UPF1: variants seen among roughly 807,000 people sequenced by gnomAD.
UPF1 encodes the protein regulator of nonsense transcripts 1.
A neutral mutation model predicts 129.2 loss-of-function variants in UPF1; 9 were observed. The observed-to-expected ratio is 0.07, with a 90% CI of 0.04 to 0.12. The LOEUF is 0.12. Among genes scored for constraint, UPF1 ranks in the 10% least tolerant of loss-of-function variants. The pLI is 1.00. For synonymous variants in UPF1, 649 were observed against 644.9 expected (o/e 1.01, Z -0.10); for missense variants, 788 against 1,525.3 (o/e 0.52, Z 8.05).
intron 1 of UPF1, among the ~76,000 whole-genome samples, chr19:18,840,409 G>A (rs2055529203): frequency 6.6e-6 from 1 of 152,198 alleles, no homozygotes; most frequent in Non-Finnish European, 1.5e-5. Context: ...CTCCGCTGGG[G>A]AGGCACCGTC....
At chr19:18,836,906 A>G (rs937020771) in intron 1 of UPF1, among the ~76,000 whole-genome samples, 2 of 151,872 alleles carry the variant, frequency 1.3e-5, no homozygotes, top group Admixed American at 1.3e-4. Flanking sequence ...GGTGTGTGCT[A>G]CCATGCCCGG....
intron 3 of UPF1, chr19:18,849,838 T>C (rs1051230254): frequency 5.5e-6 from 3 of 547,928 alleles, no homozygotes; most frequent in Non-Finnish European, 9.7e-6. Context: ...GCAGGAACTA[T>C]GTGAACCGTG....
chr19:18,855,880 G>T, intron 11 of UPF1, 45 bp from the exon 12 acceptor site: 1 of 1,600,714 alleles, frequency 6.2e-7, no homozygotes, highest in South Asian at 1.1e-5. Flanking sequence ...TACGTTCACC[G>T]AGCTTCCTCT....
chr19:18,845,539 GCCAGTGA>G (rs1601103446), intron 1 of UPF1, among the ~76,000 whole-genome samples: 4 of 152,308 alleles, frequency 2.6e-5, no homozygotes, highest in African/African-American at 9.6e-5. Context: ...AGTGGATGTG[GCCAGTGA>G]CATTTCCACA....
Position 18,864,215 on chromosome 19 carries a change from A to G in UPF1, c.2821A>G (p.Ile941Val). The G allele has an allele frequency of 6.2e-7, 1 of 1,613,838 alleles. No individual in the cohort carries two copies. Among genetic ancestry groups the G allele is most frequent in the Non-Finnish European group, 8.5e-7 (1 of 1,179,838 alleles). ...TTAMYDAREA[I>V]IPGSVYDRSS... The stretch of plus-strand genomic sequence containing the variant: ...AGCCATGTATGATGCCCGGGAGGCC[A>G]TCATCCCAGGCTCCGTCTATGATCG... Residue 941 changes from isoleucine (I) to valine (V), a missense_variant, in exon 20 of 24, where the codon ATC becomes GTC. This residue lies in a region of UPF1 where 218 missense variants were observed against 318.1 expected (regional missense o/e 0.69). Coordinates refer to ENST00000262803, the MANE Select transcript of UPF1 (RefSeq NM_002911.4).
At chr19:18,838,530 C>G (rs1038691107) in intron 1 of UPF1, among the ~76,000 whole-genome samples, 1 of 152,142 alleles carries the variant, frequency 6.6e-6, no homozygotes, top group African/African-American at 2.4e-5. Flanking sequence ...TGCCTGTAAT[C>G]CCAGTTACTT....
At chr19:18,833,619 C>G (rs980942646) in intron 1 of UPF1, among the ~76,000 whole-genome samples, 22 of 151,716 alleles carry the variant, frequency 1.5e-4, no homozygotes, top group Non-Finnish European at 1.5e-4. Flanking sequence ...TCATCACCCT[C>G]TGGATTTCAG....
chr19:18,839,542 T>C (rs1413904550), intron 1 of UPF1, among the ~76,000 whole-genome samples: 3 of 152,180 alleles, frequency 2.0e-5, no homozygotes, highest in African/African-American at 7.2e-5. Flanking sequence ...ATGCCCAAGG[T>C]CACCCGTTAG....
intron 15 of UPF1, among the ~76,000 whole-genome samples, chr19:18,858,507 A>G (rs1205679941): frequency 1.3e-5 from 2 of 152,122 alleles, no homozygotes; most frequent in African/African-American, 4.8e-5. Context: ...ATGGAGTGGC[A>G]AAGAGTTGTC....
Position 18,853,420 on chromosome 19 carries a change from CTG to C in UPF1, c.1156+73_1156+74del, listed in dbSNP as rs2055681543. 6.9e-7 allele frequency: 1 copy of C among 1,443,130 alleles called. No homozygotes were observed. Among genetic ancestry groups the C allele is most frequent in the Non-Finnish European group, 9.3e-7 (1 of 1,069,612 alleles). 89.4% of individuals were successfully genotyped at this position (1,443,130 alleles called of 1,614,324 possible). ...AAGTGGGGGCATCAGGTGGAGGCCA[CTG>C]TGGATTTGATGCTCACTGCTGGGCC... On this transcript the variant is annotated intron_variant, in intron 8 of 23. Coordinates refer to ENST00000262803, the MANE Select transcript of UPF1 (RefSeq NM_002911.4). The surrounding 1 kb of genome is among the most constrained non-coding windows in gnomAD (Gnocchi z 4.4).
chr19:18,837,426 G>A (rs1434007801), intron 1 of UPF1, among the ~76,000 whole-genome samples: 1 of 152,200 alleles, frequency 6.6e-6, no homozygotes, highest in Non-Finnish European at 1.5e-5. Context: ...ACACCTACCT[G>A]TGACCTAGCA....
At chr19:18,843,701 GCC>G (rs2055566706) in intron 1 of UPF1, among the ~76,000 whole-genome samples, 1 of 147,886 alleles carries the variant, frequency 6.8e-6, no homozygotes, top group Non-Finnish European at 1.5e-5. Context: ...ATGGGGTTTT[GCC>G]ATGTTGGCCA....
rs1186598931 is a variant in UPF1 at position 18,853,773 on chromosome 19, G to A, written c.1156+423G>A. 6.6e-6 allele frequency among the ~76,000 whole-genome samples: 1 copy of A among 152,242 alleles called. No homozygotes were observed. Among genetic ancestry groups the A allele is most frequent in the East Asian group, 1.9e-4 (1 of 5,204 alleles). Reference sequence around the variant, plus strand: ...CCCTCTGAGCACACACTTGCTCCCAGGCCATGTTTGGGAATGTGCAGTGAC... The same window carrying A: ...CCCTCTGAGCACACACTTGCTCCCAAGCCATGTTTGGGAATGTGCAGTGAC... On this transcript the variant is annotated intron_variant, in intron 8 of 23. Transcript: ENST00000262803. The surrounding 1 kb of genome is among the most constrained non-coding windows in gnomAD (Gnocchi z 4.4).
chr19:18,843,472 T>C (rs554955240), intron 1 of UPF1, among the ~76,000 whole-genome samples: 2 of 152,042 alleles, frequency 1.3e-5, no homozygotes, highest in South Asian at 4.2e-4. Flanking sequence ...TTTTGAGTTT[T>C]TGAATTTCTG....
intron 15 of UPF1, among the ~76,000 whole-genome samples, chr19:18,858,478 G>A (rs754117819): frequency 6.6e-6 from 1 of 152,128 alleles, no homozygotes; most frequent in Non-Finnish European, 1.5e-5. Flanking sequence ...CCAGCAGAGT[G>A]TCACGAAGTC....
intron 15 of UPF1, among the ~76,000 whole-genome samples, chr19:18,858,432 A>T (rs1453990216): frequency 1.3e-5 from 2 of 150,962 alleles, no homozygotes; most frequent in Non-Finnish European, 3.0e-5. Flanking sequence ...CCTTTGGAAG[A>T]CCTACTTGAC....
chr19:18,847,877 T>A, intron 3 of UPF1, 44 bp downstream of exon 3: 1 of 1,564,420 alleles, frequency 6.4e-7, no homozygotes, highest in Non-Finnish European at 8.8e-7. Context: ...AGTGCTGTGC[T>A]CAGATTTGTG....
chr19:18,851,883 G>T lies in UPF1; in HGVS notation c.811-252G>T, dbSNP rs1209005796. ...AGGTTCACCCAAGTACCGGAACCCC[G>T]CTGGGGTGCGGAGCAGCAGCTGAGG... On this transcript the variant is annotated intron_variant, in intron 5 of 23. Transcript: ENST00000262803. This position sits in a 1 kb window ranked among gnomAD's most constrained non-coding sequence, Gnocchi z 4.2. Among the ~76,000 whole-genome samples the T allele has an allele frequency of 6.6e-6, 1 of 152,240 alleles. No homozygotes were observed. The highest frequency in any genetic ancestry group is 1.9e-4 in the East Asian group (1 of 5,194).
At chr19:18,846,189 C>T in intron 2 of UPF1, 70 bp downstream of exon 2, 1 of 1,591,572 alleles carries the variant, frequency 6.3e-7, no homozygotes, top group South Asian at 1.1e-5. Flanking sequence ...GCCTGGGACA[C>T]TCACCTCCCA....
Sources: gnomAD v4.1 joint callset for allele counts (sites outside exome capture counted in the v4.1 genomes callset) on GRCh38, gnomAD v4.1.1 for gene constraint, gnomAD v4.1.1 regional missense constraint, Gnocchi (gnomAD v3.1) non-coding constraint, MANE v1.5 for transcripts, NCBI Gene and HGNC (gene_info 2026-07-23, HGNC 2026-07-21) for gene names.